Variants in COL23A1 observed in about 807,000 individuals in gnomAD.
The protein encoded by COL23A1 is collagen type XXIII alpha 1 chain, also known as collagen alpha-1(XXIII) chain.
In COL23A1, 97 loss-of-function variants were observed where a neutral mutation model predicts 99.3. The observed-to-expected ratio is 0.98, with a 90% confidence interval of 0.83 to 1.16. COL23A1 has a LOEUF of 1.16. Ranked by LOEUF, COL23A1 falls within the 50% of genes most tolerant of loss-of-function variation. The probability of loss-of-function intolerance (pLI) is 0.00; values close to 1 mark genes in which losing one functional copy is unlikely to be tolerated. For missense variants in COL23A1, 762 were observed against 757.4 expected (o/e 1.01, Z -0.07); for synonymous variants, 320 against 308.2 (o/e 1.04, Z -0.40).
intron 2 of COL23A1, among the ~76,000 whole-genome samples, chr5:178,547,602 CA>C (rs1761690869): frequency 1.1e-4 from 1 of 9,086 alleles, no homozygotes; most frequent in African/African-American, 2.6e-4. Context: ...CAACCACCCA[CA>C]CACACACCCC....
chr5:178,351,884 G>A (rs1379869689), intron 2 of COL23A1: 1 of 152,144 alleles, frequency 6.6e-6, no homozygotes, highest in Non-Finnish European at 1.5e-5. Flanking sequence ...CTTATAAGAA[G>A]AGGGGAGGCC....
At chr5:178,299,388 T>C (rs1355060591) in intron 3 of COL23A1, among the ~76,000 whole-genome samples, 1 of 152,226 alleles carries the variant, frequency 6.6e-6, no homozygotes, top group Non-Finnish European at 1.5e-5. Flanking sequence ...GTTGTGTCTT[T>C]CTAGGAATGT....
intron 2 of COL23A1, among the ~76,000 whole-genome samples, chr5:178,368,421 C>T (rs1376130433): frequency 6.6e-6 from 1 of 152,196 alleles, no homozygotes; most frequent in Non-Finnish European, 1.5e-5. Context: ...CGTCTGTCGG[C>T]TGATGAACCC....
chr5:178,264,614 G>A (rs1765811418), intron 8 of COL23A1, among the ~76,000 whole-genome samples: 1 of 152,120 alleles, frequency 6.6e-6, no homozygotes. Context: ...ACAAAGAAAG[G>A]AAGACCTAGC....
chr5:178,461,139 C>A (rs1422038021), intron 2 of COL23A1, among the ~76,000 whole-genome samples: 1 of 152,156 alleles, frequency 6.6e-6, no homozygotes, highest in African/African-American at 2.4e-5. Flanking sequence ...GCCCAGGAGC[C>A]GAATTCCTCG....
At chr5:178,427,867 C>T (rs1766036415) in intron 2 of COL23A1, among the ~76,000 whole-genome samples, 2 of 152,156 alleles carry the variant, frequency 1.3e-5, no homozygotes, top group African/African-American at 4.8e-5. Context: ...CTGTATGATA[C>T]TATAATGGTG....
intron 2 of COL23A1, among the ~76,000 whole-genome samples, chr5:178,380,946 C>T (rs942007864): frequency 2.1e-4 from 32 of 152,238 alleles, no homozygotes; most frequent in African/African-American, 7.0e-4. Context: ...GATGTGTGGG[C>T]CCACCCAGCC....
intron 3 of COL23A1, among the ~76,000 whole-genome samples, chr5:178,292,907 C>T (rs1194842108): frequency 6.6e-6 from 1 of 152,138 alleles, no homozygotes; most frequent in Non-Finnish European, 1.5e-5. Flanking sequence ...GAAAGTGTCT[C>T]AGGAGGGAGT....
chr5:178,358,213 ATG>A (rs1305575057), intron 2 of COL23A1, among the ~76,000 whole-genome samples: 1,829 of 100,094 alleles, frequency 0.018, 35 homozygotes, highest in African/African-American at 0.063. Context: ...GTACGTGTGT[ATG>A]TGTGTCTAAT....
intron 2 of COL23A1, among the ~76,000 whole-genome samples, chr5:178,455,703 G>A (rs1290285976): frequency 3.9e-5 from 6 of 152,050 alleles, no homozygotes; most frequent in Non-Finnish European, 7.4e-5. Flanking sequence ...CCTCAAGGCC[G>A]AGAGCTGGCA....
chr5:178,361,384 T>C (rs952093818), intron 2 of COL23A1, among the ~76,000 whole-genome samples: 4 of 152,130 alleles, frequency 2.6e-5, no homozygotes, highest in African/African-American at 9.7e-5. Context: ...AATATTGGGT[T>C]AAGGCTTTCG....
At chr5:178,246,660 C>T (rs73804752) in intron 22 of COL23A1, among the ~76,000 whole-genome samples, 56 of 151,524 alleles carry the variant, frequency 3.7e-4, no homozygotes, top group African/African-American at 1.0e-3. Flanking sequence ...CAGGCTCCCT[C>T]AGCCCCATGG....
intron 2 of COL23A1, among the ~76,000 whole-genome samples, chr5:178,346,500 T>C (rs1279123933): frequency 6.6e-6 from 1 of 152,186 alleles, no homozygotes; most frequent in Non-Finnish European, 1.5e-5. Flanking sequence ...TCTCCCAAAG[T>C]GCTGGGATTA....
chr5:178,258,763 T>C (rs888890933), intron 12 of COL23A1, among the ~76,000 whole-genome samples: 1 of 151,796 alleles, frequency 6.6e-6, no homozygotes, highest in African/African-American at 2.4e-5. Flanking sequence ...GGCACAATCA[T>C]AGCTTACTAC....
intron 2 of COL23A1, among the ~76,000 whole-genome samples, chr5:178,507,664 C>T (rs918249376): frequency 3.9e-5 from 6 of 152,186 alleles, no homozygotes; most frequent in Non-Finnish European, 5.9e-5. Flanking sequence ...TTCCTCTGGC[C>T]TCCATAGTTC....
intron 22 of COL23A1, 74 bp from the exon 23 acceptor site, chr5:178,246,527 G>T: frequency 1.4e-6 from 2 of 1,439,096 alleles, no homozygotes; most frequent in Non-Finnish European, 1.9e-6. Flanking sequence ...CTTGGAGACT[G>T]CAAGGGAGCT....
intron 2 of COL23A1, among the ~76,000 whole-genome samples, chr5:178,343,251 C>G (rs1011456491): frequency 1.3e-5 from 2 of 152,138 alleles, no homozygotes; most frequent in Non-Finnish European, 2.9e-5. Context: ...CCGCCTCCAC[C>G]CCCATCAATT....
intron 2 of COL23A1, among the ~76,000 whole-genome samples, chr5:178,432,762 T>C (rs1766332720): frequency 6.6e-6 from 1 of 152,072 alleles, no homozygotes; most frequent in Admixed American, 6.5e-5. Context: ...CCTGGGACAG[T>C]CGTGCTGAGT....
rs1040247498 is a variant in COL23A1, at chr5:178,337,573, G to A, written c.362-30654C>T. Among the ~76,000 whole-genome samples the A allele has an allele frequency of 4.6e-5, 7 of 152,246 alleles. No individual in the cohort carries two copies. In the South Asian group the frequency reaches 1.5e-3, roughly 32 times the overall value. ...CAGGGTTATGGAGAGCATCCTTCCA[G>A]GGCCAGACTCCCTGCTCTGGGGGTA... is the stretch of plus-strand genomic sequence containing the variant. On this transcript the variant is annotated intron_variant, in intron 2 of 28. Transcript: ENST00000390654.
Sources: allele counts gnomAD v4.1 joint callset (sites outside exome capture counted in the v4.1 genomes callset), GRCh38; gene constraint gnomAD v4.1.1; transcripts MANE v1.5; gene names NCBI Gene and HGNC (gene_info 2026-07-23, HGNC 2026-07-21).